SCAPER: variants seen among roughly 807,000 people sequenced by gnomAD.
SCAPER encodes the protein S-phase cyclin A associated protein in the ER, also known as S phase cyclin A-associated protein in the endoplasmic reticulum.
Under a neutral mutation model 182.2 loss-of-function variants are expected in SCAPER, and 98 were observed. That is an observed-to-expected ratio of 0.54 (90% confidence interval 0.46 to 0.64). The LOEUF (loss-of-function observed/expected upper bound fraction) is 0.64, where lower values mean the gene tolerates loss of function less well. Among genes scored for constraint, SCAPER ranks in the 30% least tolerant of loss-of-function variants. SCAPER has a pLI of 0.00. For missense variants in SCAPER, 1,432 were observed against 1,690.0 expected (o/e 0.85, Z 2.68); for synonymous variants, 605 against 564.6 (o/e 1.07, Z -1.01).
chr15:76,529,249 T>C (rs71405215), intron 23 of SCAPER, among the ~76,000 whole-genome samples: 1,596 of 152,322 alleles, frequency 0.01, 14 homozygotes, highest in Non-Finnish European at 0.017. Flanking sequence ...TTTTGCCATG[T>C]TGCCCAGGGT....
intron 5 of SCAPER, among the ~76,000 whole-genome samples, chr15:76,807,180 T>C (rs1310430706): frequency 1.3e-5 from 2 of 152,240 alleles, no homozygotes; most frequent in Non-Finnish European, 2.9e-5. Flanking sequence ...CCATTAAGCA[T>C]GACATTAACT....
intron 20 of SCAPER, among the ~76,000 whole-genome samples, chr15:76,688,732 G>A (rs961299161): frequency 1.3e-5 from 2 of 151,852 alleles, no homozygotes; most frequent in Admixed American, 6.6e-5. Context: ...GTCTAAGATC[G>A]GATGGTTGTG....
At chr15:76,756,539 TG>T (rs2062445453) in intron 14 of SCAPER, among the ~76,000 whole-genome samples, 1 of 152,112 alleles carries the variant, frequency 6.6e-6, no homozygotes, top group African/African-American at 2.4e-5. Flanking sequence ...GCTGCATCAC[TG>T]CACTCCATGC....
At chr15:76,856,917 C>T (rs1169813913) in intron 4 of SCAPER, among the ~76,000 whole-genome samples, 6 of 151,956 alleles carry the variant, frequency 3.9e-5, no homozygotes, top group Non-Finnish European at 7.4e-5. Flanking sequence ...ATGAAAATAA[C>T]TATGGATTAA....
chr15:76,572,909 T>TCACACACA (rs1441837995), intron 23 of SCAPER, among the ~76,000 whole-genome samples: 110 of 52,294 alleles, frequency 2.1e-3, no homozygotes, highest in Admixed American at 5.3e-3. Context: ...TCTCTCTCTC[T>TCACACACA]CTCTCTCTCT....
rs147296655 is a variant in SCAPER, at chr15:76,744,178, T to C, written c.1866+9630A>G. Reference sequence around the variant, plus strand: ...GATTTAAATGTAAGGCCTCAAACTATAAAAATCCTAGAAGAAAACCTAGGA... The same window carrying C: ...GATTTAAATGTAAGGCCTCAAACTACAAAAATCCTAGAAGAAAACCTAGGA... On this transcript the variant is annotated intron_variant, in intron 15 of 31. Transcript: ENST00000563290. Among the ~76,000 whole-genome samples, 14 of 152,250 alleles carry C rather than the reference T, an allele frequency of 9.2e-5. No individual in the cohort carries two copies. The East Asian group carries it at 2.7e-3, about 29-fold the overall frequency.
intron 23 of SCAPER, among the ~76,000 whole-genome samples, chr15:76,530,948 T>C (rs190113119): frequency 1.1e-4 from 17 of 151,522 alleles, no homozygotes; most frequent in Admixed American, 1.1e-3. Flanking sequence ...TATATATGTA[T>C]ATACAGGTAT....
intron 7 of SCAPER, among the ~76,000 whole-genome samples, chr15:76,798,359 T>TA (rs35527740): frequency 0.18 from 19,871 of 110,158 alleles, 1,903 homozygotes; most frequent in East Asian, 0.48. Context: ...GACTATATCT[T>TA]AAAAAAAAAA....
At chr15:76,835,238 C>T (rs563434922) in intron 5 of SCAPER, among the ~76,000 whole-genome samples, 1 of 151,784 alleles carries the variant, frequency 6.6e-6, no homozygotes, top group African/African-American at 2.4e-5. Flanking sequence ...CAGAAAAGCT[C>T]AGGCCAATAT....
At chr15:76,876,337 A>AGCGAGGGCT (rs879105052) in intron 2 of SCAPER, among the ~76,000 whole-genome samples, 4 of 151,372 alleles carry the variant, frequency 2.6e-5, no homozygotes, top group Non-Finnish European at 5.9e-5. Context: ...ACCAAGAGTG[A>AGCGAGGGCT]GCGAGGGCTG....
At chr15:76,885,880 A>G (rs894634076) in intron 1 of SCAPER, among the ~76,000 whole-genome samples, 3 of 152,218 alleles carry the variant, frequency 2.0e-5, no homozygotes, top group Admixed American at 1.3e-4. Context: ...TCAAGTTGAA[A>G]CAAAAGAAGA....
At chr15:76,408,394 C>T (rs2045022828) in intron 26 of SCAPER, among the ~76,000 whole-genome samples, 1 of 152,018 alleles carries the variant, frequency 6.6e-6, no homozygotes, top group Non-Finnish European at 1.5e-5. Flanking sequence ...GAATAATATT[C>T]TACCAGTGGA....
chr15:76,494,665 G>T (rs1047843755), intron 24 of SCAPER, among the ~76,000 whole-genome samples: 1 of 151,950 alleles, frequency 6.6e-6, no homozygotes, highest in African/African-American at 2.4e-5. Context: ...GCTCATTGAC[G>T]CAACCTTCGA....
intron 2 of SCAPER, among the ~76,000 whole-genome samples, chr15:76,876,137 G>A (rs1292968370): frequency 1.3e-5 from 2 of 152,192 alleles, no homozygotes; most frequent in Admixed American, 6.5e-5. Context: ...ACGCCCATCA[G>A]GAACTCTAGC....
chr15:76,800,691 TA>T (rs1167969708), intron 6 of SCAPER, among the ~76,000 whole-genome samples: 1 of 152,162 alleles, frequency 6.6e-6, no homozygotes. Flanking sequence ...AATGCCCAGC[TA>T]AAAAAATGTT....
intron 25 of SCAPER, 111 bp downstream of exon 25, chr15:76,471,092 CTTCTTCTTT>C: frequency 1.3e-6 from 1 of 797,978 alleles, no homozygotes; most frequent in Non-Finnish European, 1.7e-6. Context: ...TCTTCTTCTT[CTTCTTCTTT>C]TTTTTTTTTT....
chr15:76,371,672 A>C (rs1341026954), intron 29 of SCAPER, among the ~76,000 whole-genome samples: 3 of 150,204 alleles, frequency 2.0e-5, no homozygotes, highest in African/African-American at 7.3e-5. Context: ...TAATTCCAGC[A>C]CTTTGGGAGG....
intron 24 of SCAPER, among the ~76,000 whole-genome samples, chr15:76,474,106 T>C (rs2050427990): frequency 6.6e-6 from 1 of 152,182 alleles, no homozygotes; most frequent in Non-Finnish European, 1.5e-5. Flanking sequence ...CCACCATGCC[T>C]GGTACCTGCA....
At chr15:76,871,756 A>C (rs1043336046) in intron 2 of SCAPER, among the ~76,000 whole-genome samples, 1 of 151,680 alleles carries the variant, frequency 6.6e-6, no homozygotes. Flanking sequence ...ATGCTCGGCT[A>C]ATTTTTGTAC....
Sources: allele counts gnomAD v4.1 joint callset (sites outside exome capture counted in the v4.1 genomes callset), GRCh38; gene constraint gnomAD v4.1.1; transcripts MANE v1.5; gene names NCBI Gene and HGNC (gene_info 2026-07-23, HGNC 2026-07-21).